GRIK2: variants seen among roughly 807,000 people sequenced by gnomAD.
GRIK2 encodes the protein glutamate receptor ionotropic, kainate 2.
A neutral mutation model predicts 100.3 loss-of-function variants in GRIK2; 32 were observed. The ratio of observed to expected loss-of-function variants is 0.32; its 90% confidence interval spans 0.24 to 0.43. The LOEUF (loss-of-function observed/expected upper bound fraction) is 0.43. GRIK2 is among the 20% of genes least tolerant of loss of function. The probability of loss-of-function intolerance (pLI) is 1.00; values close to 1 mark genes in which losing one functional copy is unlikely to be tolerated. For synonymous variants in GRIK2, 417 were observed against 389.4 expected (o/e 1.07, Z -0.83); for missense variants, 843 against 1,114.9 (o/e 0.76, Z 3.47).
chr6:101,619,985 T>G (rs1340413248), intron 2 of GRIK2, among the ~76,000 whole-genome samples: 1 of 152,172 alleles, frequency 6.6e-6, no homozygotes, highest in Non-Finnish European at 1.5e-5. Flanking sequence ...CCTCAAATAC[T>G]TGTTGAGTGC....
chr6:101,405,347 A>C (rs943639449), intron 2 of GRIK2, among the ~76,000 whole-genome samples: 8 of 152,114 alleles, frequency 5.3e-5, no homozygotes, highest in African/African-American at 1.9e-4. Flanking sequence ...CTGATTTAAT[A>C]AATGGAATTA....
rs1554284526 is a variant in GRIK2 at position 101,909,379 on chromosome 6, T to TTGTTTG, written c.1749-15221_1749-15220insGTTTGT. ...TGCTGAAGGAAGATAGGGTTTTCTT[T>TTGTTTG]TTCTTTTTTTTTTTTTTAAAGATCA... On this transcript the variant is annotated intron_variant, in intron 12 of 16. Coordinates refer to ENST00000369134, the MANE Select transcript of GRIK2 (RefSeq NM_021956.5). Among the ~76,000 whole-genome samples the TTGTTTG allele has an allele frequency of 6.9e-4, 57 of 82,056 alleles. 3 individuals are homozygous for TTGTTTG. The highest frequency in any genetic ancestry group is 1.5e-3 in the Non-Finnish European group (49 of 32,930). The allele number at this position is 82,056 out of a possible 152,430, so 53.8% of individuals were successfully genotyped here.
rs1325103167 is a variant in GRIK2 at position 101,708,537 on chromosome 6, CTT to C, written c.951+22186_951+22187del. On this transcript the variant is annotated intron_variant, in intron 7 of 16. Transcript: ENST00000369134. ...ATTTAATTTCATGCCCATTGTCACT[CTT>C]TAAAATTTACCTTCTTTTAAAATTA... 2.0e-5 allele frequency among the ~76,000 whole-genome samples: 3 copies of C among 151,600 alleles called. No individual in the cohort carries two copies. In the Admixed American group the frequency reaches 2.0e-4, roughly 10 times the overall value.
chr6:101,605,458 G>T (rs1473643845), intron 2 of GRIK2, among the ~76,000 whole-genome samples: 1 of 150,714 alleles, frequency 6.6e-6, no homozygotes, highest in African/African-American at 2.4e-5. Flanking sequence ...CCATATTAAC[G>T]CAGGTATTTA....
chr6:101,942,561 A>G (rs773690858), intron 14 of GRIK2, among the ~76,000 whole-genome samples: 3 of 152,172 alleles, frequency 2.0e-5, no homozygotes, highest in Non-Finnish European at 4.4e-5. Flanking sequence ...GAGATGATGA[A>G]CTTATTGGGA....
chr6:101,541,595 C>T (rs1375125253), intron 2 of GRIK2, among the ~76,000 whole-genome samples: 1 of 152,008 alleles, frequency 6.6e-6, no homozygotes, highest in Admixed American at 6.6e-5. Flanking sequence ...AAGTTTCCAG[C>T]CTCTCCCACA....
chr6:101,760,090 C>T (rs1030242186), intron 7 of GRIK2, among the ~76,000 whole-genome samples: 3 of 142,194 alleles, frequency 2.1e-5, no homozygotes, highest in South Asian at 2.2e-4. Flanking sequence ...AGGATGGTCT[C>T]GATCTCCTGA....
chr6:101,810,276 G>A (rs1781248591), intron 9 of GRIK2, among the ~76,000 whole-genome samples: 1 of 151,806 alleles, frequency 6.6e-6, no homozygotes, highest in Non-Finnish European at 1.5e-5. Context: ...ATCACAACCT[G>A]TCTGTTAACT....
intron 11 of GRIK2, among the ~76,000 whole-genome samples, chr6:101,881,894 T>C (rs1786274835): frequency 6.6e-6 from 1 of 151,970 alleles, no homozygotes; most frequent in African/African-American, 2.4e-5. Flanking sequence ...TCTTAGTCCA[T>C]TTTCACGCTG....
chr6:101,933,912 G>GT (rs1790449196), intron 14 of GRIK2, among the ~76,000 whole-genome samples: 2 of 151,850 alleles, frequency 1.3e-5, no homozygotes, highest in African/African-American at 4.8e-5. Context: ...TTCCATCCTA[G>GT]GTAGAACGTT....
intron 11 of GRIK2, among the ~76,000 whole-genome samples, chr6:101,865,100 C>G (rs1160164827): frequency 6.6e-6 from 1 of 152,040 alleles, no homozygotes; most frequent in African/African-American, 2.4e-5. Flanking sequence ...GAGAAGTAAA[C>G]AAAACTTGAT....
chr6:101,566,637 A>C (rs1777289719), intron 2 of GRIK2, among the ~76,000 whole-genome samples: 1 of 151,658 alleles, frequency 6.6e-6, no homozygotes, highest in Non-Finnish European at 1.5e-5. Context: ...AAAAATGAAA[A>C]AATTTCAAAT....
At chr6:101,732,284 G>A (rs547865680) in intron 7 of GRIK2, among the ~76,000 whole-genome samples, 2 of 151,978 alleles carry the variant, frequency 1.3e-5, no homozygotes, top group East Asian at 3.9e-4. Flanking sequence ...AAATACGTAA[G>A]GGTTTGATTA....
chr6:101,414,262 G>A (rs1269684217), intron 2 of GRIK2, among the ~76,000 whole-genome samples: 2 of 152,152 alleles, frequency 1.3e-5, no homozygotes, highest in Non-Finnish European at 2.9e-5. Flanking sequence ...CTTGCTATCA[G>A]ATTAGAATGA....
chr6:101,681,718 A>T (rs1453751672), intron 5 of GRIK2, among the ~76,000 whole-genome samples: 1 of 152,166 alleles, frequency 6.6e-6, no homozygotes, highest in African/African-American at 2.4e-5. Context: ...TACTTCATAA[A>T]TGAGTTTTTG....
At chr6:101,933,247 TATCCCCTCTAC>T (rs1451808855) in intron 14 of GRIK2, among the ~76,000 whole-genome samples, 1 of 152,050 alleles carries the variant, frequency 6.6e-6, no homozygotes, top group East Asian at 1.9e-4. Context: ...ATGCAAGTTT[TATCCCCTCTAC>T]ATCACCTCTA....
intron 7 of GRIK2, among the ~76,000 whole-genome samples, chr6:101,694,898 A>T (rs1772370233): frequency 6.6e-6 from 1 of 151,470 alleles, no homozygotes; most frequent in African/African-American, 2.4e-5. Context: ...ATATAAAAAA[A>T]TACCTTGGCC....
At chr6:101,403,907 AAAAAAATCAGTTTTTCTCAT>A (rs1775466973) in intron 2 of GRIK2, among the ~76,000 whole-genome samples, 1 of 151,346 alleles carries the variant, frequency 6.6e-6, no homozygotes, top group South Asian at 2.1e-4. Context: ...ATCACACTTT[AAAAAAATCAGTTTTTCTCAT>A]AAGTTCTCAC....
At chr6:101,889,935 C>A in intron 12 of GRIK2, 72 bp downstream of exon 12, 1 of 835,632 alleles carries the variant, frequency 1.2e-6, no homozygotes, top group Admixed American at 2.1e-5. Flanking sequence ...TGTCAAAAGT[C>A]ACAATCAATT....
Sources: gnomAD v4.1 joint callset for allele counts (sites outside exome capture counted in the v4.1 genomes callset) on GRCh38, gnomAD v4.1.1 for gene constraint, MANE v1.5 for transcripts, NCBI Gene and HGNC (gene_info 2026-07-23, HGNC 2026-07-21) for gene names.